The following TRPM3 variants were observed in gnomAD, a reference collection of about 807,000 sequenced individuals.
TRPM3 encodes transient receptor potential cation channel subfamily M member 3, also known as long transient receptor potential channel 3.
TRPM3 carries 77 observed loss-of-function variants against 181.2 expected under a neutral mutation model. The observed-to-expected ratio is 0.42, with a 90% CI of 0.35 to 0.51. TRPM3 has a LOEUF of 0.51. Ranked by LOEUF, TRPM3 falls within the 20% of genes least tolerant of loss-of-function variation. The pLI is 0.01. For synonymous variants in TRPM3, 745 were observed against 796.4 expected, an observed-to-expected ratio of 0.94 and a Z score of 1.09; for missense variants, 1,759 against 2,196.7, an observed-to-expected ratio of 0.80 and a Z score of 3.98.
intron 1 of TRPM3, among the ~76,000 whole-genome samples, chr9:71,080,406 T>A (rs2064117014): frequency 6.6e-6 from 1 of 151,980 alleles, no homozygotes; most frequent in Admixed American, 6.6e-5. Flanking sequence ...GTTTCAAGGG[T>A]GTGCCAACCA....
intron 1 of TRPM3, among the ~76,000 whole-genome samples, chr9:71,104,046 C>G (rs1334384765): frequency 1.3e-5 from 2 of 152,118 alleles, no homozygotes; most frequent in Non-Finnish European, 2.9e-5. Context: ...TCCTGAGTAG[C>G]TGGGACTACA....
intron 1 of TRPM3, among the ~76,000 whole-genome samples, chr9:71,003,763 C>A (rs559549002): frequency 1.4e-4 from 21 of 151,038 alleles, no homozygotes; most frequent in Non-Finnish European, 1.5e-5. Flanking sequence ...GAAATCACTC[C>A]CCCCGTAAAA....
chr9:70,598,692 A>T (rs766988263), intron 20 of TRPM3, 22 bp from the exon 21 acceptor site: 1 of 1,607,734 alleles, frequency 6.2e-7, no homozygotes, highest in East Asian at 2.2e-5. Context: ...GAAGGAGAGC[A>T]GAGTTAGGTC....
At chr9:70,768,545 A>G (rs1485063036) in intron 7 of TRPM3, among the ~76,000 whole-genome samples, 1 of 152,050 alleles carries the variant, frequency 6.6e-6, no homozygotes, top group Non-Finnish European at 1.5e-5. Flanking sequence ...TTGGAGAGAT[A>G]AAGCAACAGC....
At chr9:71,343,658 C>G (rs1466383155) in intron 1 of TRPM3, among the ~76,000 whole-genome samples, 2 of 152,064 alleles carry the variant, frequency 1.3e-5, no homozygotes, top group Non-Finnish European at 2.9e-5. Flanking sequence ...TATATTCTAT[C>G]TCTGTCCACT....
chr9:71,310,756 A>G (rs935034901), intron 1 of TRPM3, among the ~76,000 whole-genome samples: 25 of 152,110 alleles, frequency 1.6e-4, no homozygotes, highest in African/African-American at 5.8e-4. Context: ...TCACCTCGAC[A>G]TGCTCTGGCT....
chr9:71,432,235 C>A (rs1301482531), intron 1 of TRPM3, among the ~76,000 whole-genome samples: 1 of 151,886 alleles, frequency 6.6e-6, no homozygotes, highest in Non-Finnish European at 1.5e-5. Flanking sequence ...ACCCAAAGGC[C>A]TCCAGTTATA....
At chr9:71,115,429 A>G (rs1039829144) in intron 1 of TRPM3, among the ~76,000 whole-genome samples, 15 of 152,260 alleles carry the variant, frequency 9.9e-5, no homozygotes, top group African/African-American at 3.4e-4. Context: ...TTCATTAAAC[A>G]TTTGTTGAAT....
At chr9:70,549,432 T>C (rs894125208) in intron 25 of TRPM3, 110 bp downstream of exon 25, 2 of 1,377,350 alleles carry the variant, frequency 1.5e-6, no homozygotes, top group African/African-American at 1.5e-5. Context: ...TCTCAGACAA[T>C]AAAAACAAAC....
At chr9:71,354,866 G>T (rs777290827) in intron 1 of TRPM3, among the ~76,000 whole-genome samples, 4 of 152,198 alleles carry the variant, frequency 2.6e-5, no homozygotes, top group Admixed American at 6.5e-5. Context: ...AGGTGGCAAA[G>T]GTAAGTAGAG....
chr9:70,597,930 C>A (rs770624962), intron 21 of TRPM3, among the ~76,000 whole-genome samples: 12 of 152,012 alleles, frequency 7.9e-5, no homozygotes, highest in African/African-American at 1.4e-4. Context: ...ACAGGATCTT[C>A]AAAAAATCTG....
At chr9:70,947,684 T>C (rs1564822748) in intron 1 of TRPM3, among the ~76,000 whole-genome samples, 1 of 152,044 alleles carries the variant, frequency 6.6e-6, no homozygotes, top group Non-Finnish European at 1.5e-5. Flanking sequence ...CTGCCCTACT[T>C]CTGGAGGCTC....
chr9:70,593,191 T>A (rs557340668), intron 21 of TRPM3, among the ~76,000 whole-genome samples: 1 of 152,346 alleles, frequency 6.6e-6, no homozygotes, highest in East Asian at 1.9e-4. Context: ...TCTTAAAATC[T>A]GACATCCATT....
At chr9:70,678,713 A>G (rs186661358) in intron 9 of TRPM3, among the ~76,000 whole-genome samples, 108 of 152,320 alleles carry the variant, frequency 7.1e-4, no homozygotes, top group Non-Finnish European at 9.3e-4. Context: ...GATTGCACAA[A>G]GTTTCTACAT....
rs575176948 is a variant in TRPM3, at chr9:70,683,428, C to CTTTTTTTTTTTTTTTTTTTTTTTTTTTTT, written c.1273-1879_1273-1851dup. 3.5e-5 allele frequency among the ~76,000 whole-genome samples: 2 copies of CTTTTTTTTTTTTTTTTTTTTTTTTTTTTT among 57,458 alleles called. 1 individual carries two copies. 37.7% of individuals were successfully genotyped at this position (57,458 alleles called of 152,430 possible). On this transcript the variant is annotated intron_variant, in intron 8 of 25. Coordinates refer to ENST00000677713, the MANE Select transcript of TRPM3 (RefSeq NM_001366145.2). Reference sequence around the variant, plus strand: ...CCTTTTCTCTCTTTCTCTCTCTCTCCTTTTTTTTTTTTTTTTTTTTTTTTT... The same window carrying CTTTTTTTTTTTTTTTTTTTTTTTTTTTTT: ...CCTTTTCTCTCTTTCTCTCTCTCTCCTTTTTTTTTTTTTTTTTTTTTTTTTTTTTTTTTTTTTTTTTTTTTTTTTTTTTT...
intron 1 of TRPM3, among the ~76,000 whole-genome samples, chr9:71,424,480 T>C (rs1447819891): frequency 6.6e-6 from 1 of 152,138 alleles, no homozygotes; most frequent in East Asian, 1.9e-4. Flanking sequence ...GAAACAAATA[T>C]ACAAGACAGG....
chr9:71,394,231 CAT>C (rs1344947470), intron 1 of TRPM3, among the ~76,000 whole-genome samples: 6 of 152,036 alleles, frequency 3.9e-5, no homozygotes, highest in Admixed American at 6.6e-5. Context: ...ATTGATGCAT[CAT>C]AAATATTCTT....
intron 1 of TRPM3, among the ~76,000 whole-genome samples, chr9:71,164,674 G>C (rs760929408): frequency 7.9e-5 from 12 of 152,020 alleles, no homozygotes; most frequent in Admixed American, 3.3e-4. Context: ...TGTTCCGATT[G>C]GAACTTCGAC....
At chr9:70,548,475 TG>T (rs1226400284) in intron 25 of TRPM3, among the ~76,000 whole-genome samples, 2 of 152,200 alleles carry the variant, frequency 1.3e-5, no homozygotes, top group Middle Eastern at 3.2e-3. Flanking sequence ...ACAGAGCCAC[TG>T]GAGAAGTCTG....
Sources: gnomAD v4.1 joint callset for allele counts (sites outside exome capture counted in the v4.1 genomes callset) on GRCh38, gnomAD v4.1.1 for gene constraint, MANE v1.5 for transcripts, NCBI Gene and HGNC (gene_info 2026-07-23, HGNC 2026-07-21) for gene names.